The following MROH2B variants were observed in gnomAD, a reference collection of about 807,000 sequenced individuals.
MROH2B encodes maestro heat like repeat family member 2B, also known as maestro heat-like repeat-containing protein family member 2B.
Under a neutral mutation model 208.6 loss-of-function variants are expected in MROH2B, and 177 were observed. The ratio of observed to expected loss-of-function variants is 0.85; its 90% CI spans 0.75 to 0.96. MROH2B has a LOEUF of 0.96. MROH2B is among the 40% of genes least tolerant of loss of function. The pLI, the probability that MROH2B is intolerant of heterozygous loss-of-function variation, is 0.00. For synonymous variants in MROH2B, 728 were observed against 659.0 expected, an observed-to-expected ratio of 1.10 and a Z score of -1.60; for missense variants, 2,002 against 1,878.7, an observed-to-expected ratio of 1.07 and a Z score of -1.21.
At chr5:41,010,614 G>A (rs898832855) in intron 30 of MROH2B, among the ~76,000 whole-genome samples, 1 of 152,202 alleles carries the variant, frequency 6.6e-6, no homozygotes, top group African/African-American at 2.4e-5. Flanking sequence ...AAGATGTAAA[G>A]TTAAAAGACA....
chr5:41,008,899 A>C, intron 32 of MROH2B, 106 bp from the exon 33 acceptor site: 2 of 1,153,488 alleles, frequency 1.7e-6, no homozygotes, highest in South Asian at 3.2e-5. Context: ...AAAAACACAC[A>C]GAAAAGGGAG....
intron 30 of MROH2B, 36 bp from the exon 31 acceptor site, chr5:41,010,115 C>A: frequency 6.2e-7 from 1 of 1,603,518 alleles, no homozygotes; most frequent in Non-Finnish European, 8.5e-7. Context: ...CATTAAGTTG[C>A]CATTTTCCCT....
At position 41,065,324 on chromosome 5, in the gene MROH2B, G is replaced by T. The variant is rs367920908; in HGVS notation, c.361+7C>A. 6.8e-6 allele frequency: 11 copies of T among 1,606,788 alleles called. No individual in the cohort carries two copies. Among genetic ancestry groups the T allele is most frequent in the African/African-American group, 1.3e-5 (1 of 74,726 alleles). On this transcript the variant is annotated splice_region_variant and intron_variant, in intron 4 of 41. Transcript: ENST00000399564. ...CCAGGGAAAATTGGAGAATATTCCC[G>T]CTATACCATAGCTGGTTGCCAATTC...
intron 3 of MROH2B, among the ~76,000 whole-genome samples, chr5:41,066,245 C>T (rs1158170894): frequency 5.9e-5 from 9 of 152,118 alleles, no homozygotes; most frequent in East Asian, 5.8e-4. Context: ...TTGGTGATGG[C>T]GAACTAGGTA....
chr5:41,055,341 A>G (rs981927031), intron 10 of MROH2B, among the ~76,000 whole-genome samples: 8 of 152,214 alleles, frequency 5.3e-5, no homozygotes, highest in African/African-American at 1.7e-4. Context: ...CAGTGTTATG[A>G]AAATATGTAC....
intron 19 of MROH2B, among the ~76,000 whole-genome samples, chr5:41,039,864 A>G (rs1209914309): frequency 6.6e-6 from 1 of 152,228 alleles, no homozygotes; most frequent in Non-Finnish European, 1.5e-5. Flanking sequence ...AGTTTGCATT[A>G]TTAAAATAGG....
chr5:41,051,711 G>T (rs773953153), intron 12 of MROH2B, among the ~76,000 whole-genome samples: 1 of 152,182 alleles, frequency 6.6e-6, no homozygotes, highest in Non-Finnish European at 1.5e-5. Context: ...CAGTGAGAAA[G>T]CACCATCTGT....
chr5:41,000,614 G>T (rs1741365024), intron 38 of MROH2B, 64 bp downstream of exon 38: 3 of 1,533,896 alleles, frequency 2.0e-6, no homozygotes, highest in African/African-American at 2.8e-5. Flanking sequence ...GCTAGACCAG[G>T]CTTATTGGTA....
chr5:41,027,266 A>C (rs964731722), intron 24 of MROH2B, among the ~76,000 whole-genome samples: 1 of 152,242 alleles, frequency 6.6e-6, no homozygotes, highest in African/African-American at 2.4e-5. Context: ...ACAAAATGGG[A>C]GAAAATTTTT....
intron 40 of MROH2B, 113 bp downstream of exon 40, chr5:40,999,564 A>C: frequency 1.4e-6 from 1 of 735,026 alleles, no homozygotes; most frequent in Non-Finnish European, 2.1e-6. Context: ...CTGGGCTTTA[A>C]TAAAAAAGTT....
chr5:41,035,598 T>C lies in MROH2B; in HGVS notation c.2215-1734A>G, dbSNP rs578234311. ...ACAAAGGTCTAATATCCAGAATCTA[T>C]AAGGAACTTCAACAAATCAACAAGC... On this transcript the variant is annotated intron_variant, in intron 21 of 41. Coordinates refer to ENST00000399564, the MANE Select transcript of MROH2B (RefSeq NM_173489.5). Among the ~76,000 whole-genome samples the C allele has an allele frequency of 5.3e-5, 8 of 152,004 alleles. No individual in the cohort carries two copies. In the South Asian group the frequency reaches 8.3e-4, roughly 16 times the overall value.
chr5:41,023,317 C>A (rs776196473), intron 24 of MROH2B, among the ~76,000 whole-genome samples: 5 of 152,134 alleles, frequency 3.3e-5, no homozygotes, highest in Non-Finnish European at 5.9e-5. Flanking sequence ...GAATGGCTAA[C>A]TAGAATAACC....
intron 24 of MROH2B, among the ~76,000 whole-genome samples, chr5:41,030,349 A>G (rs1348590982): frequency 6.6e-6 from 1 of 152,100 alleles, no homozygotes; most frequent in East Asian, 1.9e-4. Context: ...GCTCTGCTAT[A>G]TACCAACAAT....
intron 29 of MROH2B, among the ~76,000 whole-genome samples, chr5:41,013,767 G>C (rs1371049583): frequency 1.3e-5 from 2 of 152,160 alleles, no homozygotes; most frequent in African/African-American, 4.8e-5. Flanking sequence ...TCATGTTTTT[G>C]AGCGCCTATT....
At chr5:41,017,531 C>G (rs1441331685) in intron 28 of MROH2B, among the ~76,000 whole-genome samples, 1 of 152,008 alleles carries the variant, frequency 6.6e-6, no homozygotes, top group Non-Finnish European at 1.5e-5. Context: ...GTTATTATCT[C>G]TATTTTAAAA....
rs527434785 is a variant in MROH2B at position 41,033,866 on chromosome 5, TA to T, written c.2215-3del. ...GTTCATCACAGACATGCCCAGAACC[TA>T]AAAAAAATCAAAGGCAAAATTAGAT... On this transcript the variant is annotated splice_polypyrimidine_tract_variant and splice_region_variant and intron_variant, in intron 21 of 41. Transcript: ENST00000399564. The T allele has an allele frequency of 1.2e-5, 18 of 1,546,974 alleles. No individual in the cohort carries two copies. In the East Asian group the frequency reaches 1.7e-4, roughly 15 times the overall value.
At chr5:41,023,694 T>C (rs1742243283) in intron 24 of MROH2B, among the ~76,000 whole-genome samples, 2 of 152,072 alleles carry the variant, frequency 1.3e-5, no homozygotes, top group South Asian at 4.1e-4. Flanking sequence ...GCCACAAAGA[T>C]ACTCTTTGAG....
In MROH2B at chr5:41,033,996, G is replaced by A. The variant is rs189773748; in HGVS notation, c.2215-132C>T. 1.5e-5 allele frequency: 19 copies of A among 1,273,854 alleles called. No individual in the cohort carries two copies. In the African/African-American group the frequency reaches 2.7e-4, roughly 18 times the overall value. The allele number at this position is 1,273,854 out of a possible 1,614,324, so 78.9% of individuals were successfully genotyped here. A position where few individuals can be genotyped will look rare whatever the true frequency, so the allele number is the denominator to read the frequency against. On this transcript the variant is annotated intron_variant, in intron 21 of 41. Transcript: ENST00000399564. ...AGGAGGTAGAGCCTTGCCAAGGGGG[G>A]TCTTGCCAAGGGGAGGGGGGCAATT...
rs1741285295 is a variant in MROH2B at position 40,998,619 on chromosome 5, C to T, written c.4644G>A (p.Leu1548=). 6.3e-7 allele frequency: 1 copy of T among 1,595,468 alleles called. No homozygotes were observed. The highest frequency in any genetic ancestry group is 1.3e-5 in the African/African-American group (1 of 74,672). ...QYVELLDREQ[L]TTRLQALRQD... ...AACTAGGTTGGTACTCACGTGTGGT[C>T]AGTTGTTCTCTGTCTAGTAACTCCA... is the stretch of plus-strand genomic sequence containing the variant. The change falls in exon 41 of 42, where the codon CTG becomes CTA. Residue 1548 remains leucine, a synonymous_variant. Transcript: ENST00000399564.
Sources: allele counts gnomAD v4.1 joint callset (sites outside exome capture counted in the v4.1 genomes callset), GRCh38; gene constraint gnomAD v4.1.1; transcripts MANE v1.5; gene names NCBI Gene and HGNC (gene_info 2026-07-23, HGNC 2026-07-21).